The following CNTNAP5 variants were observed in gnomAD, a reference collection of about 807,000 sequenced individuals.
CNTNAP5 encodes the protein contactin-associated protein-like 5.
CNTNAP5 carries 72 observed loss-of-function variants against 150.2 expected under a neutral mutation model. That is an observed-to-expected ratio of 0.48 (90% CI 0.40 to 0.58). The LOEUF is 0.58. Ranked by LOEUF, CNTNAP5 falls within the 20% of genes least tolerant of loss-of-function variation. CNTNAP5 has a pLI of 0.00. For synonymous variants in CNTNAP5, 672 were observed against 619.8 expected (o/e 1.08, Z -1.25); for missense variants, 1,636 against 1,626.2 (o/e 1.01, Z -0.10).
chr2:124,583,822 G>A (rs957753495), intron 11 of CNTNAP5, among the ~76,000 whole-genome samples: 1 of 152,104 alleles, frequency 6.6e-6, no homozygotes, highest in African/African-American at 2.4e-5. Context: ...TACCTTCTGG[G>A]TCAGGTGTGT....
chr2:124,774,923 T>G (rs761109240), intron 17 of CNTNAP5, among the ~76,000 whole-genome samples: 4 of 152,180 alleles, frequency 2.6e-5, no homozygotes, highest in South Asian at 2.1e-4. Flanking sequence ...ACGTTTCGGT[T>G]AAATTGATCA....
At chr2:124,349,705 A>T (rs1400703664) in intron 3 of CNTNAP5, among the ~76,000 whole-genome samples, 9 of 152,058 alleles carry the variant, frequency 5.9e-5, no homozygotes, top group Non-Finnish European at 1.3e-4. Flanking sequence ...GGTCCCACTT[A>T]TTAAAACACT....
intron 3 of CNTNAP5, among the ~76,000 whole-genome samples, chr2:124,276,335 T>G (rs1215736780): frequency 6.6e-6 from 1 of 152,176 alleles, no homozygotes; most frequent in African/African-American, 2.4e-5. Flanking sequence ...ACAAAATACC[T>G]TAATAGGCAA....
intron 10 of CNTNAP5, among the ~76,000 whole-genome samples, chr2:124,541,178 G>GTTTTTTTTTTTTTTTTTTTT (rs1477319002): frequency 2.5e-4 from 7 of 27,574 alleles, no homozygotes; most frequent in African/African-American, 1.4e-3. Context: ...ACAAAATTCC[G>GTTTTTTTTTTTTTTTTTTTT]ATTTTTTTTT....
intron 13 of CNTNAP5, among the ~76,000 whole-genome samples, chr2:124,738,899 C>T (rs1170425116): frequency 1.3e-5 from 2 of 152,142 alleles, no homozygotes; most frequent in Non-Finnish European, 2.9e-5. Context: ...TACTGGGATC[C>T]TTCAATGAGG....
chr2:124,260,256 A>G (rs746188166), intron 3 of CNTNAP5, among the ~76,000 whole-genome samples: 1 of 152,210 alleles, frequency 6.6e-6, no homozygotes, highest in Non-Finnish European at 1.5e-5. Context: ...GACAAGAACT[A>G]GAAATGGGGA....
At chr2:124,396,316 G>A (rs1430260) in intron 3 of CNTNAP5, among the ~76,000 whole-genome samples, 77,557 of 151,954 alleles carry the variant, frequency 0.51, 21,063 homozygotes, top group South Asian at 0.63. Context: ...GTACAAATAC[G>A]TTTATCCAGC....
chr2:124,866,345 C>G (rs1013302755), intron 20 of CNTNAP5, among the ~76,000 whole-genome samples: 1 of 152,154 alleles, frequency 6.6e-6, no homozygotes, highest in Non-Finnish European at 1.5e-5. Flanking sequence ...AGGGGGAAAG[C>G]AGCAGGTGAT....
At chr2:124,171,798 G>C (rs1265438904) in intron 1 of CNTNAP5, among the ~76,000 whole-genome samples, 2 of 152,114 alleles carry the variant, frequency 1.3e-5, no homozygotes, top group African/African-American at 4.8e-5. Context: ...AGCCAAATTT[G>C]GTTATGTTTT....
intron 3 of CNTNAP5, among the ~76,000 whole-genome samples, chr2:124,377,711 C>A (rs1690686129): frequency 6.8e-6 from 1 of 147,660 alleles, no homozygotes; most frequent in South Asian, 2.2e-4. Context: ...AATAAATGCA[C>A]CTTTTTTTTT....
At chr2:124,215,932 A>G (rs1001980582) in intron 1 of CNTNAP5, among the ~76,000 whole-genome samples, 6 of 152,144 alleles carry the variant, frequency 3.9e-5, no homozygotes, top group Non-Finnish European at 8.8e-5. Flanking sequence ...CCACCTACAA[A>G]CAGTAAGGAA....
chr2:124,183,308 C>A (rs75280910), intron 1 of CNTNAP5, among the ~76,000 whole-genome samples: 1 of 152,160 alleles, frequency 6.6e-6, no homozygotes, highest in African/African-American at 2.4e-5. Context: ...ATAGTGTTAG[C>A]TCCAGAAGGG....
chr2:124,823,296 G>A (rs1682528138), intron 19 of CNTNAP5, among the ~76,000 whole-genome samples: 1 of 152,110 alleles, frequency 6.6e-6, no homozygotes, highest in Non-Finnish European at 1.5e-5. Flanking sequence ...TCATTGTCCT[G>A]TTGATCTTTA....
chr2:124,138,039 A>C (rs1454027759), intron 1 of CNTNAP5, among the ~76,000 whole-genome samples: 1 of 152,178 alleles, frequency 6.6e-6, no homozygotes, highest in Non-Finnish European at 1.5e-5. Flanking sequence ...CAATGAAAAA[A>C]TGGAGAACTG....
At chr2:124,513,554 G>A (rs997349472) in intron 8 of CNTNAP5, among the ~76,000 whole-genome samples, 6 of 152,146 alleles carry the variant, frequency 3.9e-5, no homozygotes, top group Admixed American at 6.6e-5. Flanking sequence ...CTTACCACAC[G>A]TCTTCCATAA....
At chr2:124,563,110 C>T (rs1695932645) in intron 10 of CNTNAP5, 107 bp from the exon 11 acceptor site, 2 of 684,530 alleles carry the variant, frequency 2.9e-6, no homozygotes, top group Admixed American at 2.2e-5. Flanking sequence ...TATAGCAAAT[C>T]AATATCTACT....
chr2:124,049,314 C>T (rs1681629213), intron 1 of CNTNAP5, among the ~76,000 whole-genome samples: 1 of 152,126 alleles, frequency 6.6e-6, no homozygotes, highest in Non-Finnish European at 1.5e-5. Context: ...ATACGAATGC[C>T]TCAGAAAGGC....
rs1558745586 is a variant in CNTNAP5, at chr2:124,073,016, G to A, written c.82+47284G>A. ...GTACTGGAATAAAAGCAGACACATAGACCAATGGAACAGAATAGAGAACCC... is the reference window on the plus strand; with the variant it reads ...GTACTGGAATAAAAGCAGACACATAAACCAATGGAACAGAATAGAGAACCC... On this transcript the variant is annotated intron_variant, in intron 1 of 23. Coordinates refer to ENST00000682447, the MANE Select transcript of CNTNAP5 (RefSeq NM_001367498.1). 2.6e-5 allele frequency among the ~76,000 whole-genome samples: 4 copies of A among 152,084 alleles called. No homozygotes were observed. The South Asian group carries it at 6.2e-4, about 24-fold the overall frequency.
chr2:124,173,228 A>G (rs1573810501), intron 1 of CNTNAP5, among the ~76,000 whole-genome samples: 1 of 152,268 alleles, frequency 6.6e-6, no homozygotes. Context: ...TGCCTGACAC[A>G]CAACAATAAA....
Sources: gnomAD v4.1 joint callset for allele counts (sites outside exome capture counted in the v4.1 genomes callset) on GRCh38, gnomAD v4.1.1 for gene constraint, MANE v1.5 for transcripts, NCBI Gene and HGNC (gene_info 2026-07-23, HGNC 2026-07-21) for gene names.